CHD3: variants seen among roughly 807,000 people sequenced by gnomAD.
CHD3 encodes ATP-dependent chromatin remodeler CHD3.
CHD3 carries 52 observed loss-of-function variants against 248.9 expected under a neutral mutation model. The observed-to-expected ratio is 0.21, with a 90% CI of 0.17 to 0.26. The LOEUF (loss-of-function observed/expected upper bound fraction) is 0.26, where lower values mean the gene tolerates loss of function less well. Among genes scored for constraint, CHD3 ranks in the 10% least tolerant of loss-of-function variants. The pLI is 1.00. For missense variants in CHD3, 1,482 were observed against 2,605.8 expected, an observed-to-expected ratio of 0.57 and a Z score of 9.39; for synonymous variants, 985 against 985.2, an observed-to-expected ratio of 1.00 and a Z score of 0.00.
chr17:7,907,314 A>C lies in CHD3; in HGVS notation c.4789-39A>C, dbSNP rs768084092. Reference sequence around the variant, plus strand: ...GGGGCTTGGAGGCCAGGTACCTGGGAGCCCTCTGGCTCATCCTGACCCCAT... The same window carrying C: ...GGGGCTTGGAGGCCAGGTACCTGGGCGCCCTCTGGCTCATCCTGACCCCAT... On this transcript the variant is annotated intron_variant, in intron 31 of 39. Coordinates refer to ENST00000330494, the MANE Select transcript of CHD3 (RefSeq NM_001005273.3). This position sits in a 1 kb window ranked among gnomAD's most constrained non-coding sequence, Gnocchi z 4.3. 1.9e-6 allele frequency: 3 copies of C among 1,611,746 alleles called. No homozygotes were observed. The highest frequency in any genetic ancestry group is 2.7e-5 in the African/African-American group (2 of 74,856).
rs990765000 is a variant in CHD3, at chr17:7,909,366, G to T, written c.5590+28G>T. 6.6e-7 allele frequency: 1 copy of T among 1,521,632 alleles called. No homozygotes were observed. The highest frequency in any genetic ancestry group is 1.4e-5 in the African/African-American group (1 of 72,316). 94.3% of individuals were successfully genotyped at this position (1,521,632 alleles called of 1,614,324 possible). A position where few individuals can be genotyped will look rare whatever the true frequency, so the allele number is the denominator to read the frequency against. On this transcript the variant is annotated intron_variant, in intron 37 of 39. Coordinates refer to ENST00000330494, the MANE Select transcript of CHD3 (RefSeq NM_001005273.3). The surrounding 1 kb of genome is among the most constrained non-coding windows in gnomAD (Gnocchi z 8.1). The stretch of plus-strand genomic sequence containing the variant: ...AAGGGCCGCGGCGGCCCCGCGCGGG[G>T]GAGGGCCCACAACGCTGCGTAAGTC...
chr17:7,891,069 G>A lies in CHD3; in HGVS notation c.509+5G>A, dbSNP rs752769159. On this transcript the variant is annotated splice_donor_5th_base_variant and intron_variant, in intron 4 of 39. Coordinates refer to ENST00000330494, the MANE Select transcript of CHD3 (RefSeq NM_001005273.3). ...AGCCTTCAGCCAGTTCATGAGGTGC[G>A]GTAAGACTGGGGAATCCTCGCTAAT... The A allele has an allele frequency of 5.6e-6, 9 of 1,613,292 alleles. No homozygotes were observed. The highest frequency in any genetic ancestry group is 1.7e-5 in the Admixed American group (1 of 59,962).
At chr17:7,898,660 T>C in intron 13 of CHD3, 65 bp downstream of exon 13, 2 of 1,243,816 alleles carry the variant, frequency 1.6e-6, no homozygotes, top group Non-Finnish European at 2.3e-6. Flanking sequence ...TTCCAAGGGC[T>C]ACTGATGGAA....
Position 7,893,946 on chromosome 17 carries a change from C to A in CHD3, c.924+11C>A, listed in dbSNP as rs781081716. 1 of 1,460,234 alleles carries A rather than the reference C, an allele frequency of 6.8e-7. No individual in the cohort carries two copies. Among genetic ancestry groups the A allele is most frequent in the South Asian group, 1.2e-5 (1 of 80,494 alleles). 90.5% of individuals were successfully genotyped at this position (1,460,234 alleles called of 1,614,324 possible). A position where few individuals can be genotyped will look rare whatever the true frequency, so the allele number is the denominator to read the frequency against. ...AAGAAAGGAGGCTCGGTGAGTGACC[C>A]GTCCCTGTCTACTAAACACCTGGGG... On this transcript the variant is annotated intron_variant, in intron 6 of 39. Transcript: ENST00000330494.
intron 10 of CHD3, among the ~76,000 whole-genome samples, chr17:7,896,259 A>G (rs547391394): frequency 2.5e-4 from 38 of 150,342 alleles, no homozygotes; most frequent in African/African-American, 9.3e-4. Flanking sequence ...AAAATTCTCA[A>G]TGTTTCTAAT....
In CHD3 at chr17:7,911,482, C is replaced by T; in HGVS notation, c.5900C>T (p.Pro1967Leu). 1 of 1,614,218 alleles carries T rather than the reference C, an allele frequency of 6.2e-7. No homozygotes were observed. The highest frequency in any genetic ancestry group is 8.5e-7 in the Non-Finnish European group (1 of 1,180,036). Residue 1967 changes from proline (P) to leucine (L), a missense_variant, in exon 40 of 40, where the codon CCA (proline) becomes CTA (leucine). Pro to Leu is a moderately conservative substitution (Grantham distance 98, BLOSUM62 -3). Transcript: ENST00000330494. This position sits in a 1 kb window ranked among gnomAD's most constrained non-coding sequence, Gnocchi z 5.4. ...CAAACAGCCGCCACCAACGGCCCTC[C>T]AGTGCTTGTGAAGAAGGAGAAGGAA... ...SFITAATNGPPVLVKKEKEMV... is the reference protein window; with the variant it reads ...SFITAATNGPLVLVKKEKEMV...
Position 7,897,881 on chromosome 17 carries a change from G to C in CHD3, c.1920-90G>C. ...GTTGGGTGACAAATTTTGTGTGTTT[G>C]CTGATAATTGCGTTTCTCAGGCCTT... On this transcript the variant is annotated intron_variant, in intron 11 of 39. Transcript: ENST00000330494. This position sits in a 1 kb window ranked among gnomAD's most constrained non-coding sequence, Gnocchi z 4.8. The C allele has an allele frequency of 4.9e-6, 7 of 1,420,616 alleles. No individual in the cohort carries two copies. The highest frequency in any genetic ancestry group is 6.7e-6 in the Non-Finnish European group (7 of 1,048,542). 88.0% of individuals were successfully genotyped at this position (1,420,616 alleles called of 1,614,324 possible).
rs1338921479 is a variant in CHD3 at position 7,906,933 on chromosome 17, C to T, written c.4568C>T (p.Ala1523Val). ...SMPELMPDPS[A>V]DSKRSSRASS... ...CCGGAACTGATGCCTGACCCCAGCG[C>T]CGATTCTAAGCGCTCCTCCAGAGCC... The change falls in exon 30 of 40, where the codon GCC becomes GTC. Residue 1523 changes from alanine (A) to valine (V), a missense_variant. By Grantham distance (64) the Ala-to-Val change is moderately conservative. Coordinates refer to ENST00000330494, the MANE Select transcript of CHD3 (RefSeq NM_001005273.3). This position sits in a 1 kb window ranked among gnomAD's most constrained non-coding sequence, Gnocchi z 5.0. 6.2e-7 allele frequency: 1 copy of T among 1,614,138 alleles called. No individual in the cohort carries two copies. Among genetic ancestry groups the T allele is most frequent in the South Asian group, 1.1e-5 (1 of 91,084 alleles).
chr17:7,892,258 G>A (rs1018462271), intron 4 of CHD3, among the ~76,000 whole-genome samples: 5 of 152,148 alleles, frequency 3.3e-5, no homozygotes, highest in African/African-American at 9.7e-5. Flanking sequence ...GAACCAGCAT[G>A]GTCTGACTCT....
chr17:7,907,462 G>T lies in CHD3; in HGVS notation c.4898G>T (p.Gly1633Val). Residue 1633 changes from glycine to valine, a missense_variant, in exon 32 of 40, where the codon GGG becomes GTG. Transcript: ENST00000330494. This position sits in a 1 kb window ranked among gnomAD's most constrained non-coding sequence, Gnocchi z 4.3. ...GVPGEMEPEP[G>V]YRGDREKSAT... ...CCTGGAGAGATGGAGCCTGAACCTG[G>T]GTACCGTGGGGACAGAGAGAAGTCA... 6.2e-7 allele frequency: 1 copy of T among 1,604,092 alleles called. No homozygotes were observed. Among genetic ancestry groups the T allele is most frequent in the South Asian group, 1.1e-5 (1 of 89,430 alleles).
At position 7,906,529 on chromosome 17, in the gene CHD3, T is replaced by C. The variant is rs1159110332; in HGVS notation, c.4359-24T>C. On this transcript the variant is annotated intron_variant, in intron 28 of 39. Transcript: ENST00000330494. The surrounding 1 kb of genome is among the most constrained non-coding windows in gnomAD (Gnocchi z 5.0). ...ACCCCTTCTGTGGCTCCCCTAACCCTCCTCCCACTCCCATGCTCCTTAGGG... is the reference window on the plus strand; with the variant it reads ...ACCCCTTCTGTGGCTCCCCTAACCCCCCTCCCACTCCCATGCTCCTTAGGG... 2.5e-6 allele frequency: 4 copies of C among 1,612,900 alleles called. No homozygotes were observed. The highest frequency in any genetic ancestry group is 1.8e-4 in the Middle Eastern group (1 of 5,714).
rs1489589778 is a variant in CHD3 at position 7,906,708 on chromosome 17, TC to T, written c.4503+13del. 2 of 1,595,118 alleles carry T rather than the reference TC, an allele frequency of 1.3e-6. No homozygotes were observed. The highest frequency in any genetic ancestry group is 1.7e-6 in the Non-Finnish European group (2 of 1,169,598). On this transcript the variant is annotated intron_variant, in intron 29 of 39. Coordinates refer to ENST00000330494, the MANE Select transcript of CHD3 (RefSeq NM_001005273.3). The surrounding 1 kb of genome is among the most constrained non-coding windows in gnomAD (Gnocchi z 5.0). ...CTCGTCAAAAAGAAGGTATCAGTCT[TC>T]CTGTCACCCAAAGAATCAAGCTGGC... is the stretch of plus-strand genomic sequence containing the variant.
At position 7,911,494 on chromosome 17, in the gene CHD3, A is replaced by G. The variant is rs760868360; in HGVS notation, c.5912A>G (p.Lys1971Arg). ...ACCAACGGCCCTCCAGTGCTTGTGA[A>G]GAAGGAGAAGGAAATGGTGGGGGCA... ...AATNGPPVLVKKEKEMVGALV... is the reference protein window; with the variant it reads ...AATNGPPVLVRKEKEMVGALV... Residue 1971 changes from lysine (K) to arginine (R), a missense_variant, in exon 40 of 40, where the codon AAG (lysine) becomes AGG (arginine). Physicochemically the swap from Lys to Arg is conservative, Grantham distance 26. Transcript: ENST00000330494. The surrounding 1 kb of genome is among the most constrained non-coding windows in gnomAD (Gnocchi z 5.4). 7 of 1,614,150 alleles carry G rather than the reference A, an allele frequency of 4.3e-6. No homozygotes were observed. The highest frequency in any genetic ancestry group is 5.9e-6 in the Non-Finnish European group (7 of 1,179,998).
At position 7,889,608 on chromosome 17, in the gene CHD3, G is replaced by A. The variant is rs1968526086; in HGVS notation, c.101-56G>A. The A allele has an allele frequency of 2.7e-6, 4 of 1,484,936 alleles. No homozygotes were observed. The highest frequency in any genetic ancestry group is 3.7e-6 in the Non-Finnish European group (4 of 1,083,100). 92.0% of individuals were successfully genotyped at this position (1,484,936 alleles called of 1,614,324 possible). On this transcript the variant is annotated intron_variant, in intron 1 of 39. Transcript: ENST00000330494. The surrounding 1 kb of genome is among the most constrained non-coding windows in gnomAD (Gnocchi z 4.5). Reference sequence around the variant, plus strand: ...AGGTGGGGAAGGGGCAAGTTGAGGGGCCTCAGAGGCTGGAAACCTAGAGGC... The same window carrying A: ...AGGTGGGGAAGGGGCAAGTTGAGGGACCTCAGAGGCTGGAAACCTAGAGGC...
Position 7,893,382 on chromosome 17 carries a change from C to T in CHD3, c.606C>T (p.Phe202=). The T allele has an allele frequency of 6.2e-7, 1 of 1,613,758 alleles. No individual in the cohort carries two copies. The highest frequency in any genetic ancestry group is 8.5e-7 in the Non-Finnish European group (1 of 1,179,844). Residue 202 remains phenylalanine (F), a synonymous_variant, in exon 5 of 40, where the codon TTC becomes TTT. Coordinates refer to ENST00000330494, the MANE Select transcript of CHD3 (RefSeq NM_001005273.3). ...KWREFSANNP[F]KGSAAAVAAA... ...GAGAGTTCAGTGCCAACAACCCCTT[C>T]AAGGGGTCAGCAGCTGCTGTGGCGG...
chr17:7,888,927 T>G lies in CHD3; in HGVS notation c.-74T>G. ...CCCAAAGGGAGCAGGGAGATGGGAA[T>G]AGAATTGAAGGTAGGTTTTAGGCTA... On this transcript the variant is annotated 5_prime_UTR_variant, in exon 1 of 40. Transcript: ENST00000330494. The G allele has an allele frequency of 6.2e-7, 1 of 1,605,814 alleles. No homozygotes were observed.
intron 2 of CHD3, 22 bp from the exon 3 acceptor site, chr17:7,890,549 T>C (rs1240600620): frequency 6.6e-7 from 1 of 1,504,190 alleles, no homozygotes; most frequent in East Asian, 2.3e-5. Flanking sequence ...GAATAAATGT[T>C]ATTTTTATTT....
At position 7,889,177 on chromosome 17, in the gene CHD3, G is replaced by A; in HGVS notation, c.100+77G>A. The stretch of plus-strand genomic sequence containing the variant: ...TCAGGGCCCCAGGGTGTTAGTGTGA[G>A]AACCCAGGTGTCCACCTTTGGCTCT... On this transcript the variant is annotated intron_variant, in intron 1 of 39. Coordinates refer to ENST00000330494, the MANE Select transcript of CHD3 (RefSeq NM_001005273.3). This position sits in a 1 kb window ranked among gnomAD's most constrained non-coding sequence, Gnocchi z 4.5. 1 of 1,574,282 alleles carries A rather than the reference G, an allele frequency of 6.4e-7. No individual in the cohort carries two copies.
intron 4 of CHD3, 36 bp downstream of exon 4, chr17:7,891,100 C>A: frequency 6.2e-7 from 1 of 1,608,542 alleles, no homozygotes; most frequent in Non-Finnish European, 8.5e-7. Flanking sequence ...CTAATTGACA[C>A]TTTTAATTTG....
Sources: gnomAD v4.1 joint callset for allele counts (sites outside exome capture counted in the v4.1 genomes callset) on GRCh38, gnomAD v4.1.1 for gene constraint, Gnocchi (gnomAD v3.1) non-coding constraint, MANE v1.5 for transcripts, NCBI Gene and HGNC (gene_info 2026-07-23, HGNC 2026-07-21) for gene names.